The following UNC5C variants were observed in gnomAD, a reference collection of about 807,000 sequenced individuals.
UNC5C encodes netrin receptor UNC5C.
Under a neutral mutation model 99.8 loss-of-function variants are expected in UNC5C, and 47 were observed. That is an observed-to-expected ratio of 0.47 (90% confidence interval 0.37 to 0.60). UNC5C has a LOEUF of 0.60. Among genes scored for constraint, UNC5C ranks in the 20% least tolerant of loss-of-function variants. The pLI, the probability that UNC5C is intolerant of heterozygous loss-of-function variation, is 0.00. For missense variants in UNC5C, 1,062 were observed against 1,165.9 expected (o/e 0.91, Z 1.30); for synonymous variants, 487 against 452.2 (o/e 1.08, Z -0.98).
At chr4:95,279,073 A>G (rs899201027) in intron 3 of UNC5C, among the ~76,000 whole-genome samples, 6 of 152,104 alleles carry the variant, frequency 3.9e-5, no homozygotes, top group Admixed American at 2.0e-4. Flanking sequence ...TTTTCTCACA[A>G]TGGATACTAC....
At chr4:95,389,583 T>C (rs1231965067) in intron 1 of UNC5C, among the ~76,000 whole-genome samples, 2 of 152,142 alleles carry the variant, frequency 1.3e-5, no homozygotes, top group Admixed American at 6.5e-5. Flanking sequence ...ATAATTGATT[T>C]AAAATTTAAA....
At chr4:95,488,835 T>C (rs1721400038) in intron 1 of UNC5C, among the ~76,000 whole-genome samples, 4 of 151,702 alleles carry the variant, frequency 2.6e-5, no homozygotes, top group African/African-American at 9.7e-5. Context: ...ATAAAAATAA[T>C]GTTAGATAAA....
At chr4:95,539,415 A>G (rs1722861307) in intron 1 of UNC5C, among the ~76,000 whole-genome samples, 1 of 152,222 alleles carries the variant, frequency 6.6e-6, no homozygotes, top group African/African-American at 2.4e-5. Flanking sequence ...TGGGGAAATG[A>G]CTTCGCAATT....
chr4:95,189,545 G>C (rs1362981314), intron 12 of UNC5C, among the ~76,000 whole-genome samples: 1 of 152,178 alleles, frequency 6.6e-6, no homozygotes, highest in African/African-American at 2.4e-5. Context: ...CCATCTGAGT[G>C]AACAGGCAAC....
At chr4:95,238,094 C>A (rs2149376525) in intron 7 of UNC5C, among the ~76,000 whole-genome samples, 1 of 152,180 alleles carries the variant, frequency 6.6e-6, no homozygotes, top group South Asian at 2.1e-4. Flanking sequence ...ACTGTAAGTT[C>A]CATTTCTTAA....
chr4:95,526,845 A>T (rs563920141), intron 1 of UNC5C, among the ~76,000 whole-genome samples: 1 of 152,232 alleles, frequency 6.6e-6, no homozygotes, highest in East Asian at 1.9e-4. Context: ...TGTGTTACCA[A>T]TAGTACAAAG....
intron 1 of UNC5C, among the ~76,000 whole-genome samples, chr4:95,357,466 T>G (rs1157277001): frequency 1.3e-5 from 2 of 151,898 alleles, no homozygotes; most frequent in Admixed American, 1.3e-4. Context: ...TACATGTTCC[T>G]TATTAAAAAG....
intron 1 of UNC5C, among the ~76,000 whole-genome samples, chr4:95,515,693 A>G (rs1029749415): frequency 2.0e-5 from 3 of 152,212 alleles, no homozygotes; most frequent in African/African-American, 7.2e-5. Context: ...ATCTAAGGGG[A>G]AAAAACACCT....
At chr4:95,345,670 T>C (rs947161200) in intron 1 of UNC5C, among the ~76,000 whole-genome samples, 1 of 151,934 alleles carries the variant, frequency 6.6e-6, no homozygotes, top group Non-Finnish European at 1.5e-5. Flanking sequence ...CTGACTATAA[T>C]GGAATAGCCT....
intron 1 of UNC5C, among the ~76,000 whole-genome samples, chr4:95,341,436 TA>T (rs1743571995): frequency 6.7e-6 from 1 of 148,474 alleles, no homozygotes; most frequent in African/African-American, 2.5e-5. Flanking sequence ...TGTGTAGAAT[TA>T]TACCATTTTT....
intron 4 of UNC5C, among the ~76,000 whole-genome samples, chr4:95,255,794 G>A (rs73837514): frequency 0.031 from 4,670 of 151,804 alleles, 241 homozygotes; most frequent in African/African-American, 0.11. Context: ...CTTCTCACCC[G>A]TTTCTGCCTC....
chr4:95,176,362 A>T (rs1168506477), intron 14 of UNC5C, among the ~76,000 whole-genome samples: 1 of 151,434 alleles, frequency 6.6e-6, no homozygotes. Context: ...TTTTTTCCCC[A>T]TCTTTGTGGT....
At chr4:95,315,731 AGAT>A (rs1347979353) in intron 2 of UNC5C, among the ~76,000 whole-genome samples, 2 of 152,218 alleles carry the variant, frequency 1.3e-5, no homozygotes, top group Non-Finnish European at 2.9e-5. Flanking sequence ...GCACTAATAA[AGAT>A]GATGACATTT....
chr4:95,531,172 C>T (rs565759435), intron 1 of UNC5C, among the ~76,000 whole-genome samples: 3 of 152,200 alleles, frequency 2.0e-5, no homozygotes, highest in African/African-American at 7.2e-5. Context: ...GAGAAGTATT[C>T]TTTTAAGACT....
chr4:95,402,836 CT>C (rs1173543903), intron 1 of UNC5C, among the ~76,000 whole-genome samples: 1 of 152,168 alleles, frequency 6.6e-6, no homozygotes, highest in African/African-American at 2.4e-5. Flanking sequence ...TTAGAGTCCC[CT>C]AGTCTAAAGA....
chr4:95,288,297 A>T (rs946408624), intron 3 of UNC5C, among the ~76,000 whole-genome samples: 1 of 151,954 alleles, frequency 6.6e-6, no homozygotes, highest in Non-Finnish European at 1.5e-5. Context: ...GCCAGCCAGG[A>T]TGGTCTTGAT....
At chr4:95,271,462 C>A (rs1189996698) in intron 4 of UNC5C, among the ~76,000 whole-genome samples, 2 of 152,170 alleles carry the variant, frequency 1.3e-5, no homozygotes, top group East Asian at 3.9e-4. Context: ...ATCTCCTGAC[C>A]TCGTGATCCG....
At chr4:95,326,252 CTAACTT>C (rs145624850) in intron 2 of UNC5C, among the ~76,000 whole-genome samples, 22,064 of 151,976 alleles carry the variant, frequency 0.15, 1,939 homozygotes, top group African/African-American at 0.24. Context: ...ATATTTTCTG[CTAACTT>C]GAGAATAATT....
At chr4:95,346,809 A>C (rs1187823087) in intron 1 of UNC5C, among the ~76,000 whole-genome samples, 1 of 152,078 alleles carries the variant, frequency 6.6e-6, no homozygotes, top group Non-Finnish European at 1.5e-5. Context: ...AACTGGTATC[A>C]TACTAAATGG....
Sources: allele counts gnomAD v4.1 joint callset (sites outside exome capture counted in the v4.1 genomes callset), GRCh38; gene constraint gnomAD v4.1.1; transcripts MANE v1.5; gene names NCBI Gene and HGNC (gene_info 2026-07-23, HGNC 2026-07-21).